Variants in ULK4 observed in about 807,000 individuals in gnomAD.
The protein encoded by ULK4 is inactive serine/threonine-protein kinase ULK4.
ULK4 carries 133 observed loss-of-function variants against 160.6 expected under a neutral mutation model. That is an observed-to-expected ratio of 0.83 (90% CI 0.72 to 0.96). The LOEUF is 0.96. Ranked by LOEUF, ULK4 falls within the 40% of genes least tolerant of loss-of-function variation. The pLI is 0.00. For synonymous variants in ULK4, 534 were observed against 539.8 expected (o/e 0.99, Z 0.15); for missense variants, 1,580 against 1,499.5 (o/e 1.05, Z -0.89).
intron 32 of ULK4, among the ~76,000 whole-genome samples, chr3:41,526,108 G>A (rs1295966633): frequency 6.6e-6 from 1 of 152,050 alleles, no homozygotes; most frequent in Non-Finnish European, 1.5e-5. Flanking sequence ...CACTTCCTTT[G>A]TGCTCCTGAA....
chr3:41,680,139 C>T (rs546723936), intron 29 of ULK4, among the ~76,000 whole-genome samples: 4 of 152,190 alleles, frequency 2.6e-5, no homozygotes, highest in South Asian at 2.1e-4. Context: ...AAACATTAAT[C>T]CCATTAAAGA....
At chr3:41,344,752 CAAAA>C (rs59466358) in intron 35 of ULK4, among the ~76,000 whole-genome samples, 4 of 62,818 alleles carry the variant, frequency 6.4e-5, no homozygotes, top group African/African-American at 1.8e-4. Flanking sequence ...GACTCTGTCT[CAAAA>C]AAAAAAAAAA....
chr3:41,531,660 C>T (rs1256067066), intron 32 of ULK4, among the ~76,000 whole-genome samples: 1 of 151,950 alleles, frequency 6.6e-6, no homozygotes, highest in Non-Finnish European at 1.5e-5. Context: ...GCATATAATA[C>T]TGTAAGGTGT....
At chr3:41,487,108 T>G (rs1559640629) in intron 32 of ULK4, among the ~76,000 whole-genome samples, 2 of 152,200 alleles carry the variant, frequency 1.3e-5, no homozygotes, top group African/African-American at 4.8e-5. Flanking sequence ...ATCTCTTTCA[T>G]AACTAAACTA....
At chr3:41,373,843 C>T (rs2081422925) in intron 35 of ULK4, among the ~76,000 whole-genome samples, 1 of 152,066 alleles carries the variant, frequency 6.6e-6, no homozygotes, top group Admixed American at 6.6e-5. Flanking sequence ...TCAATGAATC[C>T]AGGAGCTGGT....
chr3:41,578,100 GA>G (rs756341481), intron 31 of ULK4, among the ~76,000 whole-genome samples: 8 of 152,294 alleles, frequency 5.3e-5, no homozygotes, highest in African/African-American at 9.6e-5. Flanking sequence ...GGATCTAATA[GA>G]ATTTTTCAGT....
chr3:41,286,408 T>A (rs140750597), intron 35 of ULK4, among the ~76,000 whole-genome samples: 2 of 152,082 alleles, frequency 1.3e-5, no homozygotes, highest in Non-Finnish European at 2.9e-5. Context: ...TTATTAGATA[T>A]GTCCAGCCTA....
intron 29 of ULK4, among the ~76,000 whole-genome samples, chr3:41,675,613 A>G (rs1190235665): frequency 1.3e-5 from 2 of 152,020 alleles, no homozygotes; most frequent in Admixed American, 6.6e-5. Context: ...ACAAACAACA[A>G]AAAAAAGATC....
intron 32 of ULK4, among the ~76,000 whole-genome samples, chr3:41,467,912 A>G (rs2083876371): frequency 6.6e-6 from 1 of 152,190 alleles, no homozygotes; most frequent in Non-Finnish European, 1.5e-5. Flanking sequence ...TAAGATTTGT[A>G]CCTTTTACTG....
intron 34 of ULK4, among the ~76,000 whole-genome samples, chr3:41,437,515 T>C (rs1220255011): frequency 6.6e-6 from 1 of 152,206 alleles, no homozygotes; most frequent in East Asian, 1.9e-4. Context: ...TGCTCTGCTT[T>C]TGTGTCTTAC....
intron 18 of ULK4, among the ~76,000 whole-genome samples, chr3:41,820,525 C>A (rs2041112325): frequency 1.3e-5 from 2 of 151,784 alleles, no homozygotes; most frequent in South Asian, 4.1e-4. Flanking sequence ...CAAATTGAAG[C>A]AAGAACAGAA....
chr3:41,724,577 G>C (rs1180647281), intron 22 of ULK4, among the ~76,000 whole-genome samples: 1 of 152,006 alleles, frequency 6.6e-6, no homozygotes, highest in Non-Finnish European at 1.5e-5. Flanking sequence ...CAAAAAATTA[G>C]CCGGGCGTGG....
At chr3:41,433,675 T>C (rs1214669669) in intron 34 of ULK4, among the ~76,000 whole-genome samples, 1 of 152,216 alleles carries the variant, frequency 6.6e-6, no homozygotes, top group Non-Finnish European at 1.5e-5. Context: ...GTTATACAGA[T>C]TGAGCATCTC....
chr3:41,672,561 T>A (rs190970281), intron 29 of ULK4, among the ~76,000 whole-genome samples: 1 of 151,868 alleles, frequency 6.6e-6, no homozygotes, highest in East Asian at 1.9e-4. Context: ...ATAGGTAGAG[T>A]GGGGAATGAA....
chr3:41,379,064 A>G (rs2125792605), intron 35 of ULK4, among the ~76,000 whole-genome samples: 1 of 152,084 alleles, frequency 6.6e-6, no homozygotes, highest in East Asian at 1.9e-4. Context: ...GGGAGATGGG[A>G]AGCAAGGGGA....
chr3:41,298,049 AT>A (rs1409879251), intron 35 of ULK4, among the ~76,000 whole-genome samples: 3 of 152,228 alleles, frequency 2.0e-5, no homozygotes, highest in Non-Finnish European at 4.4e-5. Context: ...CACTCAGGGT[AT>A]TCCCTCTATC....
intron 21 of ULK4, among the ~76,000 whole-genome samples, chr3:41,786,233 C>T (rs1397378123): frequency 1.3e-5 from 2 of 152,150 alleles, no homozygotes; most frequent in African/African-American, 4.8e-5. Flanking sequence ...TTATACACTC[C>T]AAGAACTCGA....
intron 35 of ULK4, among the ~76,000 whole-genome samples, chr3:41,390,186 T>G (rs537939416): frequency 2.5e-4 from 38 of 152,328 alleles, no homozygotes; most frequent in Middle Eastern, 3.4e-3. Context: ...TCTCTGATTG[T>G]AGTTTGTATT....
chr3:41,856,720 A>G (rs978830044), intron 17 of ULK4, among the ~76,000 whole-genome samples: 3 of 150,276 alleles, frequency 2.0e-5, no homozygotes, highest in African/African-American at 7.3e-5. Context: ...AGACTCAGCA[A>G]CATGGTGAAA....
Sources: gnomAD v4.1 joint callset for allele counts (sites outside exome capture counted in the v4.1 genomes callset) on GRCh38, gnomAD v4.1.1 for gene constraint, MANE v1.5 for transcripts, NCBI Gene and HGNC (gene_info 2026-07-23, HGNC 2026-07-21) for gene names.